NRXN1: variants seen among roughly 807,000 people sequenced by gnomAD.
The protein encoded by NRXN1 is neurexin-1.
In NRXN1, 39 loss-of-function variants were observed where a neutral mutation model predicts 150.9. The ratio of observed to expected loss-of-function variants is 0.26; its 90% CI spans 0.20 to 0.34. The LOEUF (loss-of-function observed/expected upper bound fraction) is 0.34, where lower values mean the gene tolerates loss of function less well. Ranked by LOEUF, NRXN1 falls within the 10% of genes least tolerant of loss-of-function variation. The probability of loss-of-function intolerance (pLI) is 1.00; values close to 1 mark genes in which losing one functional copy is unlikely to be tolerated. For synonymous variants in NRXN1, 924 were observed against 757.0 expected (o/e 1.22, Z -3.62); for missense variants, 1,815 against 1,949.9 (o/e 0.93, Z 1.30).
chr2:50,351,761 C>T (rs1005078558), intron 17 of NRXN1, among the ~76,000 whole-genome samples: 4 of 152,130 alleles, frequency 2.6e-5, no homozygotes, highest in African/African-American at 9.7e-5. Flanking sequence ...TGATCCCTAA[C>T]AGTTCTTAGT....
intron 5 of NRXN1, among the ~76,000 whole-genome samples, chr2:50,700,455 A>C (rs2104955312): frequency 6.6e-6 from 1 of 152,316 alleles, no homozygotes; most frequent in Middle Eastern, 3.4e-3. Context: ...AATGTAGGTG[A>C]AATTTTAAAA....
At chr2:50,830,922 CTATT>C (rs1230107147) in intron 5 of NRXN1, among the ~76,000 whole-genome samples, 5 of 151,838 alleles carry the variant, frequency 3.3e-5, no homozygotes, top group Admixed American at 1.3e-4. Flanking sequence ...CGTAGCAGCG[CTATT>C]TATTTGTATT....
chr2:50,468,149 C>A (rs934583456), intron 16 of NRXN1, among the ~76,000 whole-genome samples: 2 of 151,534 alleles, frequency 1.3e-5, no homozygotes, highest in African/African-American at 4.8e-5. Context: ...AAGAAAAGGT[C>A]AGAAGCAAGA....
At chr2:50,944,430 G>T (rs532908509) in intron 2 of NRXN1, among the ~76,000 whole-genome samples, 1 of 152,024 alleles carries the variant, frequency 6.6e-6, no homozygotes, top group African/African-American at 2.4e-5. Context: ...TACTTCATAG[G>T]ATTATTTTAA....
intron 5 of NRXN1, among the ~76,000 whole-genome samples, chr2:50,869,707 G>C (rs1319952447): frequency 1.3e-5 from 2 of 151,748 alleles, no homozygotes; most frequent in Non-Finnish European, 2.9e-5. Flanking sequence ...TTAAAAGGTA[G>C]TTATGTCACT....
intron 5 of NRXN1, among the ~76,000 whole-genome samples, chr2:50,869,152 A>C (rs1269469551): frequency 6.6e-6 from 1 of 151,730 alleles, no homozygotes; most frequent in Non-Finnish European, 1.5e-5. Context: ...TCTTTTTATA[A>C]GGAAATAATT....
intron 5 of NRXN1, among the ~76,000 whole-genome samples, chr2:50,634,304 T>C (rs778489541): frequency 1.8e-4 from 28 of 152,170 alleles, no homozygotes; most frequent in Admixed American, 3.3e-4. Flanking sequence ...TTATAGAACA[T>C]AGGAGTACGG....
chr2:50,509,610 T>C lies in NRXN1; in HGVS notation c.2375-2993A>G, dbSNP rs533710115. The stretch of plus-strand genomic sequence containing the variant: ...TCACTTTCTCACAGAATTTAACATA[T>C]ACAAACTTGTTAAAGAAAGATGGTT... On this transcript the variant is annotated intron_variant, in intron 12 of 22. Transcript: ENST00000401669. 3.3e-4 allele frequency among the ~76,000 whole-genome samples: 50 copies of C among 152,286 alleles called. No individual in the cohort carries two copies. The Middle Eastern group carries it at 0.014, about 41-fold the overall frequency.
intron 8 of NRXN1, among the ~76,000 whole-genome samples, chr2:50,555,457 GAA>G (rs1326788876): frequency 6.6e-6 from 1 of 152,086 alleles, no homozygotes; most frequent in Non-Finnish European, 1.5e-5. Flanking sequence ...AAAAAAAATA[GAA>G]GTAGGGATAA....
At chr2:50,244,472 CTTTTTTTTCTGACATTATAAGGGCATT>C (rs2066324138) in intron 17 of NRXN1, among the ~76,000 whole-genome samples, 1 of 151,668 alleles carries the variant, frequency 6.6e-6, no homozygotes, top group Non-Finnish European at 1.5e-5. Context: ...AAGTTATTCT[CTTTTTTTTCTGACATTATAAGGGCATT>C]AACTAACATA....
chr2:50,524,505 AAATAAATAAAT>A (rs2092888512), intron 12 of NRXN1, among the ~76,000 whole-genome samples: 1 of 144,694 alleles, frequency 6.9e-6, no homozygotes, highest in African/African-American at 2.4e-5. Flanking sequence ...ATAAATAAAT[AAATAAATAAAT>A]AAATAAAATA....
intron 17 of NRXN1, among the ~76,000 whole-genome samples, chr2:50,366,974 A>G (rs751125336): frequency 3.6e-4 from 55 of 152,036 alleles, no homozygotes; most frequent in Non-Finnish European, 6.6e-4. Flanking sequence ...CCTAATGGAT[A>G]TAACTATTTT....
intron 18 of NRXN1, among the ~76,000 whole-genome samples, chr2:50,103,806 T>C (rs1701292915): frequency 6.6e-6 from 1 of 151,930 alleles, no homozygotes. Flanking sequence ...GACGTTTAGC[T>C]CAGTAAAGAC....
chr2:50,620,046 G>T lies in NRXN1; in HGVS notation c.1296C>A (p.Asn432Lys). Reference protein sequence around the residue: ...TADLPGSPVSNNFMGCLKEVV... With the variant: ...TADLPGSPVSKNFMGCLKEVV... ...CCTCTTTGAGACAGCCCATAAAGTT[G>T]TTACTGACTGGTGACCCTGGAAGGT... Residue 432 changes from asparagine (N) to lysine (K), a missense_variant, in exon 8 of 23, where the codon AAC becomes AAA. Physicochemically the swap from Asn to Lys is moderately conservative, Grantham distance 94. This residue lies in a region of NRXN1 where 638 missense variants were observed against 652.6 expected (regional missense o/e 0.98). Transcript: ENST00000401669. 1.2e-6 allele frequency: 2 copies of T among 1,608,868 alleles called. No individual in the cohort carries two copies. The highest frequency in any genetic ancestry group is 1.7e-6 in the Non-Finnish European group (2 of 1,177,244).
intron 21 of NRXN1, among the ~76,000 whole-genome samples, chr2:49,944,719 A>G (rs1558553888): frequency 6.6e-6 from 1 of 152,178 alleles, no homozygotes; most frequent in Non-Finnish European, 1.5e-5. Flanking sequence ...TGCTAAGGTA[A>G]AACAGAGAAT....
intron 18 of NRXN1, among the ~76,000 whole-genome samples, chr2:50,123,826 T>C (rs1360005664): frequency 6.6e-6 from 1 of 152,188 alleles, no homozygotes; most frequent in Non-Finnish European, 1.5e-5. Context: ...TATGAATTGC[T>C]ATCCCTTCAG....
chr2:50,241,776 C>A (rs1331289947), intron 17 of NRXN1, among the ~76,000 whole-genome samples: 1 of 151,728 alleles, frequency 6.6e-6, no homozygotes, highest in Non-Finnish European at 1.5e-5. Context: ...ATATAGGGCT[C>A]TCTCCCTTCT....
rs566246482 is a variant in NRXN1, at chr2:50,043,842, T to G, written c.4128+9429A>C. On this transcript the variant is annotated intron_variant, in intron 21 of 22. Coordinates refer to ENST00000401669, the MANE Select transcript of NRXN1 (RefSeq NM_001330078.2). Reference sequence around the variant, plus strand: ...ATATTTTGGGGAATCTATAGTTGAATATATTTGTTACTTGGTCCTGGAGTA... The same window carrying G: ...ATATTTTGGGGAATCTATAGTTGAAGATATTTGTTACTTGGTCCTGGAGTA... Among the ~76,000 whole-genome samples the G allele has an allele frequency of 3.3e-5, 5 of 152,276 alleles. No individual in the cohort carries two copies. In the East Asian group the frequency reaches 9.6e-4, roughly 29 times the overall value.
chr2:51,005,349 TG>T (rs1700577556), intron 2 of NRXN1, among the ~76,000 whole-genome samples: 1 of 152,064 alleles, frequency 6.6e-6, no homozygotes, highest in Admixed American at 6.6e-5. Flanking sequence ...TATTTCTATA[TG>T]TTTTATGTAC....
Sources: gnomAD v4.1 joint callset for allele counts (sites outside exome capture counted in the v4.1 genomes callset) on GRCh38, gnomAD v4.1.1 for gene constraint, gnomAD v4.1.1 regional missense constraint, MANE v1.5 for transcripts, NCBI Gene and HGNC (gene_info 2026-07-23, HGNC 2026-07-21) for gene names.